Variants in CCDC178 observed in about 807,000 individuals in gnomAD.
CCDC178 encodes coiled-coil domain-containing protein 178.
A neutral mutation model predicts 117.4 loss-of-function variants in CCDC178; 126 were observed. The ratio of observed to expected loss-of-function variants is 1.07; its 90% confidence interval spans 0.93 to 1.24. CCDC178 has a LOEUF of 1.24. Ranked by LOEUF, CCDC178 falls within the 50% of genes most tolerant of loss-of-function variation. The pLI, the probability that CCDC178 is intolerant of heterozygous loss-of-function variation, is 0.00. For missense variants in CCDC178, 1,030 were observed against 986.9 expected, an observed-to-expected ratio of 1.04 and a Z score of -0.59; for synonymous variants, 283 against 313.4, an observed-to-expected ratio of 0.90 and a Z score of 1.02.
In CCDC178 at chr18:33,189,502, T is replaced by C. The variant is rs570670509; in HGVS notation, c.2238+22394A>G. 3.3e-5 allele frequency among the ~76,000 whole-genome samples: 5 copies of C among 152,298 alleles called. No individual in the cohort carries two copies. The South Asian group carries it at 1.0e-3, about 32-fold the overall frequency. ...CCAGTAATATTTAACACAGATATAG[T>C]ATTAATGGTTAGCCCTGTATCTTGG... On this transcript the variant is annotated intron_variant, in intron 20 of 22. Transcript: ENST00000383096.
At chr18:33,377,388 T>G (rs1014449395) in intron 5 of CCDC178, among the ~76,000 whole-genome samples, 3 of 141,420 alleles carry the variant, frequency 2.1e-5, no homozygotes, top group African/African-American at 7.7e-5. Flanking sequence ...TCCCATTCTG[T>G]AGGTTGCCTG....
intron 20 of CCDC178, among the ~76,000 whole-genome samples, chr18:33,162,612 T>A (rs957644446): frequency 7.9e-5 from 12 of 152,142 alleles, no homozygotes; most frequent in Non-Finnish European, 1.3e-4. Context: ...GGCCCTAATG[T>A]CTGTTGTTCC....
chr18:33,164,497 T>C (rs1031013472), intron 20 of CCDC178, among the ~76,000 whole-genome samples: 2 of 152,062 alleles, frequency 1.3e-5, no homozygotes, highest in African/African-American at 2.4e-5. Flanking sequence ...ATAATTACCA[T>C]TTTGGAAATG....
At chr18:33,044,073 GTGTGTGTGTATGTT>G (rs886755569) in intron 21 of CCDC178, among the ~76,000 whole-genome samples, 4 of 150,426 alleles carry the variant, frequency 2.7e-5, no homozygotes, top group Non-Finnish European at 4.4e-5. Context: ...GTGTGTATGT[GTGTGTGTGTATGTT>G]TGTGTGTGTA....
chr18:33,368,332 T>C (rs2063245797), intron 6 of CCDC178, among the ~76,000 whole-genome samples: 1 of 151,964 alleles, frequency 6.6e-6, no homozygotes, highest in Non-Finnish European at 1.5e-5. Flanking sequence ...GTTTTAGATC[T>C]TCATTTACTT....
intron 21 of CCDC178, among the ~76,000 whole-genome samples, chr18:33,000,200 T>C (rs908370684): frequency 2.0e-5 from 3 of 151,654 alleles, no homozygotes; most frequent in Admixed American, 6.6e-5. Context: ...GCAACTGATA[T>C]ACTAAAGAAT....
At chr18:33,117,661 T>C (rs1350166476) in intron 20 of CCDC178, among the ~76,000 whole-genome samples, 1 of 151,858 alleles carries the variant, frequency 6.6e-6, no homozygotes, top group Non-Finnish European at 1.5e-5. Flanking sequence ...ACATGGCACA[T>C]GTATACATAT....
At chr18:33,436,130 T>G (rs1568226091) in intron 2 of CCDC178, among the ~76,000 whole-genome samples, 1 of 152,114 alleles carries the variant, frequency 6.6e-6, no homozygotes, top group Non-Finnish European at 1.5e-5. Flanking sequence ...TAACAATTTC[T>G]AGAGAAATTG....
intron 20 of CCDC178, among the ~76,000 whole-genome samples, chr18:33,095,737 T>C (rs2057532015): frequency 6.6e-6 from 1 of 151,918 alleles, no homozygotes; most frequent in Admixed American, 6.6e-5. Context: ...GGCACATTCA[T>C]TATACTATTT....
At chr18:33,086,988 AC>A (rs1314308476) in intron 21 of CCDC178, among the ~76,000 whole-genome samples, 3 of 150,614 alleles carry the variant, frequency 2.0e-5, no homozygotes, top group Non-Finnish European at 3.0e-5. Flanking sequence ...ACACACACAC[AC>A]ACACACACAC....
At chr18:33,084,810 C>CA (rs34977807) in intron 21 of CCDC178, among the ~76,000 whole-genome samples, 13,209 of 125,552 alleles carry the variant, frequency 0.11, 882 homozygotes, top group African/African-American at 0.21. Context: ...GGCCCCGTCT[C>CA]AAAAAAAAAA....
At chr18:33,229,258 G>A (rs531805897) in intron 15 of CCDC178, among the ~76,000 whole-genome samples, 3 of 152,254 alleles carry the variant, frequency 2.0e-5, no homozygotes, top group Non-Finnish European at 4.4e-5. Context: ...TTGGACTAAG[G>A]TAGCAAGGCT....
At chr18:33,311,524 T>C (rs1193900706) in intron 11 of CCDC178, among the ~76,000 whole-genome samples, 1 of 152,190 alleles carries the variant, frequency 6.6e-6, no homozygotes, top group African/African-American at 2.4e-5. Context: ...CTCAGTCCCC[T>C]AACCAGGAGA....
intron 20 of CCDC178, among the ~76,000 whole-genome samples, chr18:33,196,923 T>C (rs1364076851): frequency 2.0e-5 from 3 of 152,194 alleles, no homozygotes; most frequent in Admixed American, 2.0e-4. Context: ...GGACTTGATA[T>C]ATTGCTTGCA....
chr18:33,261,326 G>A lies in CCDC178; in HGVS notation c.1409+5590C>T, dbSNP rs533161358. The stretch of plus-strand genomic sequence containing the variant: ...TCTCGATCTCCTGACCTCGTGATCC[G>A]CCCACCTTGGCCTCCCAAAGTTCTG... On this transcript the variant is annotated intron_variant, in intron 14 of 22. Transcript: ENST00000383096. 1.9e-4 allele frequency among the ~76,000 whole-genome samples: 29 copies of A among 152,098 alleles called. 1 individual carries two copies. The South Asian group carries it at 2.9e-3, about 15-fold the overall frequency.
At chr18:33,338,568 A>G (rs2062773664) in intron 9 of CCDC178, among the ~76,000 whole-genome samples, 1 of 152,238 alleles carries the variant, frequency 6.6e-6, no homozygotes, top group South Asian at 2.1e-4. Context: ...ACTCAGACAT[A>G]CAAAGGAATA....
intron 21 of CCDC178, among the ~76,000 whole-genome samples, chr18:33,011,795 A>T (rs1306110091): frequency 8.2e-6 from 1 of 121,976 alleles, no homozygotes; most frequent in Non-Finnish European, 1.7e-5. Flanking sequence ...AAAAAAAAAA[A>T]AAAAAAAAAA....
At chr18:32,972,614 G>T (rs1349457148) in intron 22 of CCDC178, among the ~76,000 whole-genome samples, 1 of 151,992 alleles carries the variant, frequency 6.6e-6, no homozygotes, top group Non-Finnish European at 1.5e-5. Flanking sequence ...AATGAGTATT[G>T]CAGAAACAGG....
intron 22 of CCDC178, among the ~76,000 whole-genome samples, chr18:32,970,442 C>T (rs527554039): frequency 6.6e-6 from 1 of 152,016 alleles, no homozygotes; most frequent in South Asian, 2.1e-4. Context: ...AATCTTATGG[C>T]ATCATTTTAA....
Sources: gnomAD v4.1 joint callset for allele counts (sites outside exome capture counted in the v4.1 genomes callset) on GRCh38, gnomAD v4.1.1 for gene constraint, MANE v1.5 for transcripts, NCBI Gene and HGNC (gene_info 2026-07-23, HGNC 2026-07-21) for gene names.